EPHB3: variants seen among roughly 807,000 people sequenced by gnomAD.
EPHB3 encodes ephrin type-B receptor 3.
In EPHB3, 33 loss-of-function variants were observed where a neutral mutation model predicts 100.2. The ratio of observed to expected loss-of-function variants is 0.33; its 90% CI spans 0.25 to 0.44. The LOEUF is 0.44. Ranked by LOEUF, EPHB3 falls within the 20% of genes least tolerant of loss-of-function variation. The pLI is 1.00. For missense variants in EPHB3, 1,045 were observed against 1,378.3 expected (o/e 0.76, Z 3.83); for synonymous variants, 526 against 554.7 (o/e 0.95, Z 0.73).
Position 184,562,250 on chromosome 3 carries a change from C to CCCG in EPHB3, c.28_30dup (p.Pro10dup), listed in dbSNP as rs763165946. On this transcript the variant is annotated inframe_insertion, in exon 1 of 16. Coordinates refer to ENST00000330394, the MANE Select transcript of EPHB3 (RefSeq NM_004443.4). This position sits in a 1 kb window ranked among gnomAD's most constrained non-coding sequence, Gnocchi z 4.8. ...CTGCCACGGCCATGGCCAGAGCCCG[C>CCCG]CCGCCGCCGCCGCCGTCGCCGCCGC... The CCCG allele has an allele frequency of 1.8e-5, 19 of 1,077,058 alleles. No individual in the cohort carries two copies. The highest frequency in any genetic ancestry group is 6.7e-5 in the African/African-American group (4 of 59,490). The allele number at this position is 1,077,058 out of a possible 1,614,324, so 66.7% of individuals were successfully genotyped here.
chr3:184,574,132 G>A (rs751357459), intron 3 of EPHB3, among the ~76,000 whole-genome samples: 2 of 152,186 alleles, frequency 1.3e-5, no homozygotes, highest in East Asian at 1.9e-4. Flanking sequence ...TGCTTTGCCC[G>A]TAGAACAGTG....
chr3:184,576,778 T>A, intron 4 of EPHB3, 64 bp from the exon 5 acceptor site: 14 of 1,474,910 alleles, frequency 9.5e-6, no homozygotes, highest in Non-Finnish European at 1.3e-5. Context: ...GTGCTGGAAC[T>A]CCGGGCAGAG....
chr3:184,563,441 ACT>A lies in EPHB3; in HGVS notation c.118+1091_118+1092del, dbSNP rs1453835679. On this transcript the variant is annotated intron_variant, in intron 1 of 15. Coordinates refer to ENST00000330394, the MANE Select transcript of EPHB3 (RefSeq NM_004443.4). This position sits in a 1 kb window ranked among gnomAD's most constrained non-coding sequence, Gnocchi z 4.1. Reference sequence around the variant, plus strand: ...TCTTAGTTTAGGAACGAAAACACGAACTCTGTGGAACTTGGCTTGTTCTTATG... The same window carrying A: ...TCTTAGTTTAGGAACGAAAACACGAACTGTGGAACTTGGCTTGTTCTTATG... Among the ~76,000 whole-genome samples, 2 of 152,120 alleles carry A rather than the reference ACT, an allele frequency of 1.3e-5. No individual in the cohort carries two copies. Among genetic ancestry groups the A allele is most frequent in the Non-Finnish European group, 2.9e-5 (2 of 68,022 alleles).
In EPHB3 at chr3:184,578,943, G is replaced by A. The variant is rs781738966; in HGVS notation, c.1801+477G>A. 6.6e-6 allele frequency among the ~76,000 whole-genome samples: 1 copy of A among 152,068 alleles called. No individual in the cohort carries two copies. The highest frequency in any genetic ancestry group is 1.5e-5 in the Non-Finnish European group (1 of 68,024). The stretch of plus-strand genomic sequence containing the variant: ...CGGGGTGGGGAAGGAGCCCAACTGT[G>A]GGGGCAGCGAGAAGACTGGTTTGAC... On this transcript the variant is annotated intron_variant, in intron 9 of 15. Coordinates refer to ENST00000330394, the MANE Select transcript of EPHB3 (RefSeq NM_004443.4). This position sits in a 1 kb window ranked among gnomAD's most constrained non-coding sequence, Gnocchi z 4.7.
Position 184,580,650 on chromosome 3 carries a change from CG to C in EPHB3, c.2388+37del, listed in dbSNP as rs749311454. 12 of 1,609,330 alleles carry C rather than the reference CG, an allele frequency of 7.5e-6. No homozygotes were observed. The South Asian group carries it at 1.3e-4, about 18-fold the overall frequency. ...AAGCCGCTGGGAGGGAGACTGGGGGCGGGGCCTATCAGCCAGGGGCTCGGGC... is the reference window on the plus strand; with the variant it reads ...AAGCCGCTGGGAGGGAGACTGGGGGCGGGCCTATCAGCCAGGGGCTCGGGC... On this transcript the variant is annotated intron_variant, in intron 12 of 15. Transcript: ENST00000330394.
chr3:184,568,466 G>A (rs1352053125), intron 1 of EPHB3, among the ~76,000 whole-genome samples: 2 of 152,082 alleles, frequency 1.3e-5, no homozygotes, highest in African/African-American at 2.4e-5. Flanking sequence ...TCATACCCCC[G>A]TCCCAACGTG....
rs547482681 is a variant in EPHB3 at position 184,571,711 on chromosome 3, G to C, written c.183+329G>C. Among the ~76,000 whole-genome samples, 243 of 152,112 alleles carry C rather than the reference G, an allele frequency of 1.6e-3. 1 individual carries two copies. The highest frequency in any genetic ancestry group is 2.3e-3 in the Non-Finnish European group (154 of 68,034). On this transcript the variant is annotated intron_variant, in intron 2 of 15. Coordinates refer to ENST00000330394, the MANE Select transcript of EPHB3 (RefSeq NM_004443.4). The surrounding 1 kb of genome is among the most constrained non-coding windows in gnomAD (Gnocchi z 5.0). Reference sequence around the variant, plus strand: ...CCCTGGGTCCCTGGAGAAAACACTGGCTTGGAAACCTTAGTTCCAGATCTT... The same window carrying C: ...CCCTGGGTCCCTGGAGAAAACACTGCCTTGGAAACCTTAGTTCCAGATCTT...
Position 184,578,074 on chromosome 3 carries a change from T to A in EPHB3, c.1748+68T>A. ...GCCCTTTAGCATCCTAGAGCCCTCATGCCACAGAGATGAGCCGCCACCACT... is the reference window on the plus strand; with the variant it reads ...GCCCTTTAGCATCCTAGAGCCCTCAAGCCACAGAGATGAGCCGCCACCACT... On this transcript the variant is annotated intron_variant, in intron 8 of 15. Transcript: ENST00000330394. The surrounding 1 kb of genome is among the most constrained non-coding windows in gnomAD (Gnocchi z 4.7). The A allele has an allele frequency of 1.3e-6, 2 of 1,543,730 alleles. No homozygotes were observed. Among genetic ancestry groups the A allele is most frequent in the Non-Finnish European group, 1.8e-6 (2 of 1,130,636 alleles).
In EPHB3 at chr3:184,577,320, G is replaced by GGTGA; in HGVS notation, c.1355-21_1355-18dup. ...GGATGCCAGGGTCCAGGGAGCCCCT[G>GGTGA]GTGAGCCCTCTGCTCTTCCCAGCCC... On this transcript the variant is annotated intron_variant, in intron 5 of 15. Transcript: ENST00000330394. The surrounding 1 kb of genome is among the most constrained non-coding windows in gnomAD (Gnocchi z 4.9). 3.0e-5 allele frequency: 48 copies of GGTGA among 1,610,182 alleles called. No individual in the cohort carries two copies. The highest frequency in any genetic ancestry group is 4.0e-5 in the Non-Finnish European group (47 of 1,178,358).
At chr3:184,575,504 C>T (rs1714651743) in intron 3 of EPHB3, among the ~76,000 whole-genome samples, 1 of 152,012 alleles carries the variant, frequency 6.6e-6, no homozygotes, top group African/African-American at 2.4e-5. Context: ...TTCACCCCAC[C>T]TCTTCCTCTG....
Position 184,572,126 on chromosome 3 carries a change from G to A in EPHB3, c.184-378G>A, listed in dbSNP as rs983956261. Among the ~76,000 whole-genome samples, 25 of 152,304 alleles carry A rather than the reference G, an allele frequency of 1.6e-4. No individual in the cohort carries two copies. The highest frequency in any genetic ancestry group is 1.9e-4 in the Non-Finnish European group (13 of 68,028). ...GCCTGATTTAATTCCTCACAGCCTC[G>A]TTTAGTTCCAAGCAGCCCCATTTTA... is the stretch of plus-strand genomic sequence containing the variant. On this transcript the variant is annotated intron_variant, in intron 2 of 15. Coordinates refer to ENST00000330394, the MANE Select transcript of EPHB3 (RefSeq NM_004443.4). The surrounding 1 kb of genome is among the most constrained non-coding windows in gnomAD (Gnocchi z 6.6).
In EPHB3 at chr3:184,573,967, G is replaced by A. The variant is rs541811826; in HGVS notation, c.856+791G>A. ...TGACCTCAAGTGATCCACCCGCCTC[G>A]GCCTCCCAAAGCGTTGGGATTACAG... is the stretch of plus-strand genomic sequence containing the variant. On this transcript the variant is annotated intron_variant, in intron 3 of 15. Transcript: ENST00000330394. The surrounding 1 kb of genome is among the most constrained non-coding windows in gnomAD (Gnocchi z 4.5). Among the ~76,000 whole-genome samples, 2 of 152,120 alleles carry A rather than the reference G, an allele frequency of 1.3e-5. No homozygotes were observed. Among genetic ancestry groups the A allele is most frequent in the African/African-American group, 4.8e-5 (2 of 41,496 alleles).
Position 184,580,607 on chromosome 3 carries a change from C to A in EPHB3, c.2378C>A (p.Thr793Asn). The change falls in exon 12 of 16, where the codon ACC becomes AAC. Residue 793 changes from threonine to asparagine, a missense_variant. By Grantham distance (65) the Thr-to-Asn change is moderately conservative. Coordinates refer to ENST00000330394, the MANE Select transcript of EPHB3 (RefSeq NM_004443.4). Reference protein sequence around the residue: ...LEDDPSDPTYTSSLGGKIPIR... With the variant: ...LEDDPSDPTYNSSLGGKIPIR... ...GATGACCCCTCCGATCCTACCTACA[C>A]CAGTTCCCTGGTACAGGAAGCCGCT... 4 of 1,613,652 alleles carry A rather than the reference C, an allele frequency of 2.5e-6. No homozygotes were observed. The highest frequency in any genetic ancestry group is 3.4e-6 in the Non-Finnish European group (4 of 1,179,586).
Position 184,577,268 on chromosome 3 carries a change from G to A in EPHB3, c.1355-75G>A. On this transcript the variant is annotated intron_variant, in intron 5 of 15. Transcript: ENST00000330394. The surrounding 1 kb of genome is among the most constrained non-coding windows in gnomAD (Gnocchi z 4.9). Reference sequence around the variant, plus strand: ...AGGACCTGCTAAGGGACCACTGGGGGTCCCATGGGAAGTGGGTCTTTGGGA... The same window carrying A: ...AGGACCTGCTAAGGGACCACTGGGGATCCCATGGGAAGTGGGTCTTTGGGA... The A allele has an allele frequency of 1.3e-6, 2 of 1,586,956 alleles. No homozygotes were observed. The highest frequency in any genetic ancestry group is 1.8e-4 in the Middle Eastern group (1 of 5,714).
At position 184,569,330 on chromosome 3, in the gene EPHB3, C is replaced by G. The variant is rs1389872722; in HGVS notation, c.119-1988C>G. Among the ~76,000 whole-genome samples, 1 of 152,114 alleles carries G rather than the reference C, an allele frequency of 6.6e-6. No homozygotes were observed. The highest frequency in any genetic ancestry group is 2.4e-5 in the African/African-American group (1 of 41,432). ...CTCCCTCTGTCCCTGTCTCCTCGGG[C>G]CTCCGCGTCTCTCGGTCTCCCTGTC... On this transcript the variant is annotated intron_variant, in intron 1 of 15. Coordinates refer to ENST00000330394, the MANE Select transcript of EPHB3 (RefSeq NM_004443.4). This position sits in a 1 kb window ranked among gnomAD's most constrained non-coding sequence, Gnocchi z 5.4.
Position 184,573,162 on chromosome 3 carries a change from A to T in EPHB3, c.842A>T (p.Glu281Val). 6.2e-7 allele frequency: 1 copy of T among 1,612,254 alleles called. No individual in the cohort carries two copies. Among genetic ancestry groups the T allele is most frequent in the Non-Finnish European group, 8.5e-7 (1 of 1,180,004 alleles). The change falls in exon 3 of 16, where the codon GAG becomes GTG. Residue 281 changes from glutamate to valine, a missense_variant. Glu to Val is a moderately radical substitution (Grantham distance 121). Around this residue, in one of 2 missense-constraint regions of EPHB3, gnomAD observed 985 missense variants for 1,331.1 expected, o/e 0.74. Transcript: ENST00000330394. This position sits in a 1 kb window ranked among gnomAD's most constrained non-coding sequence, Gnocchi z 4.5. ...ACCGGCCATGAGCCAGCTGCCAAGG[A>T]GTCCCAGTGCCGCCGTGAGTGGGGA... Reference protein sequence around the residue: ...CATGHEPAAKESQCRPCPPGS... With the variant: ...CATGHEPAAKVSQCRPCPPGS...
At chr3:184,574,200 T>C (rs1714617176) in intron 3 of EPHB3, among the ~76,000 whole-genome samples, 1 of 152,214 alleles carries the variant, frequency 6.6e-6, no homozygotes, top group Admixed American at 6.5e-5. Context: ...TCCAGAGCCC[T>C]GGCATCCACG....
chr3:184,580,516 A>G lies in EPHB3; in HGVS notation c.2287A>G (p.Asn763Asp). 2 of 1,614,210 alleles carry G rather than the reference A, an allele frequency of 1.2e-6. No homozygotes were observed. Among genetic ancestry groups the G allele is most frequent in the Non-Finnish European group, 1.7e-6 (2 of 1,180,034 alleles). The change falls in exon 12 of 16, where the codon AAC becomes GAC. Residue 763 changes from asparagine to aspartate, a missense_variant. Physicochemically the swap from Asn to Asp is conservative, Grantham distance 23. Coordinates refer to ENST00000330394, the MANE Select transcript of EPHB3 (RefSeq NM_004443.4). Reference sequence around the variant, plus strand: ...TGTGCACCGCGACCTGGCTGCTCGCAACATCCTTGTCAACAGCAACCTGGT... The same window carrying G: ...TGTGCACCGCGACCTGGCTGCTCGCGACATCCTTGTCAACAGCAACCTGGT... Reference protein sequence around the residue: ...NYVHRDLAARNILVNSNLVCK... With the variant: ...NYVHRDLAARDILVNSNLVCK...
At chr3:184,568,446 C>T (rs1051591576) in intron 1 of EPHB3, among the ~76,000 whole-genome samples, 2 of 152,184 alleles carry the variant, frequency 1.3e-5, no homozygotes, top group Non-Finnish European at 2.9e-5. Flanking sequence ...TTGTCTTTAC[C>T]CGCTGCCCCT....
Sources: allele counts gnomAD v4.1 joint callset (sites outside exome capture counted in the v4.1 genomes callset), GRCh38; gene constraint gnomAD v4.1.1; regional missense constraint gnomAD v4.1.1; non-coding constraint Gnocchi (gnomAD v3.1); transcripts MANE v1.5; gene names NCBI Gene and HGNC (gene_info 2026-07-23, HGNC 2026-07-21).